The following PCARE variants were observed in gnomAD, a reference collection of about 807,000 sequenced individuals.
PCARE encodes uncharacterized protein C2orf71.
In PCARE, 72 loss-of-function variants were observed where a neutral mutation model predicts 82.2. The observed-to-expected ratio is 0.88, with a 90% CI of 0.72 to 1.07. The LOEUF (loss-of-function observed/expected upper bound fraction) is 1.07, where lower values mean the gene tolerates loss of function less well. PCARE is among the 50% of genes least tolerant of loss of function. PCARE has a pLI of 0.00. For synonymous variants in PCARE, 705 were observed against 634.8 expected (o/e 1.11, Z -1.66); for missense variants, 1,768 against 1,592.4 (o/e 1.11, Z -1.88).
In PCARE at chr2:29,073,176, C is replaced by T. The variant is rs776931192; in HGVS notation, c.1086G>A (p.Val362=). ...AGCTGGTTTGCTTGCCCAGCTTGTC[C>T]ACCGACTGCACGGACTCATTGTCAG... ...IGADNESVQS[V]DKLGKQTSWD... The change falls in exon 1 of 2, where the codon GTG becomes GTA. Residue 362 remains valine, a synonymous_variant. Coordinates refer to ENST00000331664, the MANE Select transcript of PCARE (RefSeq NM_001029883.3). The T allele has an allele frequency of 6.2e-7, 1 of 1,614,158 alleles. No homozygotes were observed. Among genetic ancestry groups the T allele is most frequent in the Admixed American group, 1.7e-5 (1 of 60,022 alleles).
At chr2:29,067,608 G>A (rs912073698) in intron 1 of PCARE, among the ~76,000 whole-genome samples, 3 of 152,260 alleles carry the variant, frequency 2.0e-5, no homozygotes, top group East Asian at 3.9e-4. Flanking sequence ...GCAATGGCAC[G>A]ATCTTGGCTC....
intron 1 of PCARE, among the ~76,000 whole-genome samples, chr2:29,068,534 A>ATT: frequency 6.7e-6 from 1 of 149,680 alleles, no homozygotes; most frequent in Non-Finnish European, 1.5e-5. Context: ...GACCTCAGAC[A>ATT]TTTTTTTTTT....
chr2:29,065,332 C>G (rs1001959497), intron 1 of PCARE, among the ~76,000 whole-genome samples: 4 of 152,228 alleles, frequency 2.6e-5, no homozygotes, highest in Admixed American at 2.6e-4. Context: ...GATCCTGCTG[C>G]TCTGAACAAA....
chr2:29,071,177 G>A lies in PCARE; in HGVS notation c.3085C>T (p.Pro1029Ser), dbSNP rs1667471800. 6.3e-7 allele frequency: 1 copy of A among 1,584,166 alleles called. No homozygotes were observed. The change falls in exon 1 of 2, where the codon CCC becomes TCC. Residue 1029 changes from proline (P) to serine (S), a missense_variant. Transcript: ENST00000331664. ...AQPSPSAVQT[P>S]PSPPVSPRVL... The stretch of plus-strand genomic sequence containing the variant: ...CTGGGGCTCACAGGTGGGCTGGGGG[G>A]CGTCTGCACAGCAGAGGGGCTTGGC...
In PCARE at chr2:29,071,265, T is replaced by C. The variant is rs530507308; in HGVS notation, c.2997A>G (p.Thr999=). 10 of 1,613,378 alleles carry C rather than the reference T, an allele frequency of 6.2e-6. No individual in the cohort carries two copies. Among genetic ancestry groups the C allele is most frequent in the African/African-American group, 4.0e-5 (3 of 74,900 alleles). Residue 999 remains threonine, a synonymous_variant, in exon 1 of 2, where the codon ACA becomes ACG. Coordinates refer to ENST00000331664, the MANE Select transcript of PCARE (RefSeq NM_001029883.3). ...PVGRKASPTR[T]HWVPQADKRR... is the part of the protein sequence containing the mutation. ...TCTTGTCTGCTTGAGGCACCCAGTG[T>C]GTCCTCGTGGGAGAGGCCTTTCTGC...
At position 29,064,974 on chromosome 2, in the gene PCARE, T is replaced by C; in HGVS notation, c.3762A>G (p.Pro1254=). ...GCCCGTGGCCCAGCACACAGAACTC[T>C]GGGGGAGATGCACGCCTGGTGCCGC... ...LQGGTRRASP[P]EFCVLGHGLQ... The change falls in exon 2 of 2, where the codon CCA becomes CCG. Residue 1254 remains proline (P), a synonymous_variant. Transcript: ENST00000331664. The C allele has an allele frequency of 6.3e-7, 1 of 1,595,250 alleles. No homozygotes were observed. Among genetic ancestry groups the C allele is most frequent in the Non-Finnish European group, 8.5e-7 (1 of 1,170,906 alleles).
rs1190793428 is a variant in PCARE at position 29,062,229 on chromosome 2, G to C, written c.*2640C>G. 6.6e-6 allele frequency: 1 copy of C among 152,296 alleles called. No homozygotes were observed. The highest frequency in any genetic ancestry group is 1.5e-5 in the Non-Finnish European group (1 of 68,118). 9.4% of individuals were successfully genotyped at this position (152,296 alleles called of 1,614,324 possible). On this transcript the variant is annotated 3_prime_UTR_variant, in exon 2 of 2. Coordinates refer to ENST00000331664, the MANE Select transcript of PCARE (RefSeq NM_001029883.3). ...ACTGGGCAACACAATGGTGTCACCAGCTCACTGTCCCGGCTGCCTGGGTCT... is the reference window on the plus strand; with the variant it reads ...ACTGGGCAACACAATGGTGTCACCACCTCACTGTCCCGGCTGCCTGGGTCT...
chr2:29,072,244 T>A lies in PCARE; in HGVS notation c.2018A>T (p.Asn673Ile), dbSNP rs777917394. 6.2e-7 allele frequency: 1 copy of A among 1,614,200 alleles called. No homozygotes were observed. Residue 673 changes from asparagine to isoleucine, a missense_variant, in exon 1 of 2, where the codon AAC becomes ATC. Asn to Ile is a moderately radical substitution (Grantham distance 149). Transcript: ENST00000331664. ...TSRLKASLTK[N>I]FSILPSQDKS... is the part of the protein sequence containing the mutation. ...GTCCTGACTAGGCAAAATACTGAAG[T>A]TCTTGGTGAGGGATGCCTTGAGCCT...
intron 1 of PCARE, 143 bp downstream of exon 1, chr2:29,070,450 GC>G: frequency 2.9e-6 from 3 of 1,017,886 alleles, no homozygotes; most frequent in Non-Finnish European, 4.5e-6. Context: ...AGCTGGAACT[GC>G]CCCCTACACC....
At position 29,064,839 on chromosome 2, in the gene PCARE, C is replaced by T; in HGVS notation, c.*30G>A. The T allele has an allele frequency of 6.2e-7, 1 of 1,608,096 alleles. No homozygotes were observed. The highest frequency in any genetic ancestry group is 8.5e-7 in the Non-Finnish European group (1 of 1,179,858). ...TGTCACACTTGGCCTTCTGGGGTGACTGCGTGAGTGTGGCCCCCTCGTCAG... is the reference window on the plus strand; with the variant it reads ...TGTCACACTTGGCCTTCTGGGGTGATTGCGTGAGTGTGGCCCCCTCGTCAG... On this transcript the variant is annotated 3_prime_UTR_variant, in exon 2 of 2. Coordinates refer to ENST00000331664, the MANE Select transcript of PCARE (RefSeq NM_001029883.3).
At position 29,062,062 on chromosome 2, in the gene PCARE, CT is replaced by C. The variant is rs1394067979; in HGVS notation, c.*2806del. ...GTTGGTATGGTAGCCAAAAACACAT[CT>C]TTGACCCGCCTGCTCCTATGTCGGC... On this transcript the variant is annotated 3_prime_UTR_variant, in exon 2 of 2. Coordinates refer to ENST00000331664, the MANE Select transcript of PCARE (RefSeq NM_001029883.3). 6 of 152,246 alleles carry C rather than the reference CT, an allele frequency of 3.9e-5. No individual in the cohort carries two copies. The highest frequency in any genetic ancestry group is 1.4e-4 in the African/African-American group (6 of 41,456). 9.4% of individuals were successfully genotyped at this position (152,246 alleles called of 1,614,324 possible). A position where few individuals can be genotyped will look rare whatever the true frequency, so the allele number is the denominator to read the frequency against.
rs1247640155 is a variant in PCARE at position 29,074,340 on chromosome 2, C to A, written c.-79G>T. 2.1e-6 allele frequency: 3 copies of A among 1,447,244 alleles called. No individual in the cohort carries two copies. Among genetic ancestry groups the A allele is most frequent in the African/African-American group, 2.8e-5 (2 of 70,424 alleles). The allele number at this position is 1,447,244 out of a possible 1,614,324, so 89.7% of individuals were successfully genotyped here. A position where few individuals can be genotyped will look rare whatever the true frequency, so the allele number is the denominator to read the frequency against. On this transcript the variant is annotated 5_prime_UTR_variant, in exon 1 of 2. Coordinates refer to ENST00000331664, the MANE Select transcript of PCARE (RefSeq NM_001029883.3). ...ATTTGAAATAGGAACAAAAGGCAAT[C>A]TTACTAGTCCATCCAGGCAATTTTC... is the stretch of plus-strand genomic sequence containing the variant.
Position 29,063,149 on chromosome 2 carries a change from T to A in PCARE, c.*1720A>T, listed in dbSNP as rs968254371. On this transcript the variant is annotated 3_prime_UTR_variant, in exon 2 of 2. Transcript: ENST00000331664. ...GGGCAAGTTTGCTGAACCTGGTCCA[T>A]CCTCACGTGCTTACCTTGGCCCCTG... 5 of 152,438 alleles carry A rather than the reference T, an allele frequency of 3.3e-5. No homozygotes were observed. The highest frequency in any genetic ancestry group is 9.6e-5 in the African/African-American group (4 of 41,456). 9.4% of individuals were successfully genotyped at this position (152,438 alleles called of 1,614,324 possible).
In PCARE at chr2:29,071,507, T is replaced by G; in HGVS notation, c.2755A>C (p.Lys919Gln). 1 of 1,609,540 alleles carries G rather than the reference T, an allele frequency of 6.2e-7. No individual in the cohort carries two copies. The highest frequency in any genetic ancestry group is 8.5e-7 in the Non-Finnish European group (1 of 1,179,886). The change falls in exon 1 of 2, where the codon AAG (lysine) becomes CAG (glutamine). Residue 919 changes from lysine (K) to glutamine (Q), a missense_variant. By Grantham distance (53) the Lys-to-Gln change is moderately conservative. Transcript: ENST00000331664. ...GSGRSSCQPR[K>Q]PALDLSSPPA... ...GGGCTGCTCAGGTCCAGGGCTGGCTTCCTGGGCTGGCAGCTGCTCCTGCCA... is the reference window on the plus strand; with the variant it reads ...GGGCTGCTCAGGTCCAGGGCTGGCTGCCTGGGCTGGCAGCTGCTCCTGCCA...
rs192103326 is a variant in PCARE, at chr2:29,071,150, C to T, written c.3112G>A (p.Val1038Met). The stretch of plus-strand genomic sequence containing the variant: ...CGCTTTGTGGTGGGTGGGCTTAGCA[C>T]CCTGGGGCTCACAGGTGGGCTGGGG... ...TPPSPPVSPR[V>M]LSPPTTKRRT... is the part of the protein sequence containing the mutation. The change falls in exon 1 of 2, where the codon GTG (valine) becomes ATG (methionine). Residue 1038 changes from valine to methionine, a missense_variant. By Grantham distance (21) the Val-to-Met change is conservative (BLOSUM62 1). Coordinates refer to ENST00000331664, the MANE Select transcript of PCARE (RefSeq NM_001029883.3). 30 of 1,581,090 alleles carry T rather than the reference C, an allele frequency of 1.9e-5. No individual in the cohort carries two copies. Among genetic ancestry groups the T allele is most frequent in the African/African-American group, 1.9e-4 (14 of 74,202 alleles).
rs967931656 is a variant in PCARE, at chr2:29,074,039, A to G, written c.223T>C (p.Cys75Arg). The G allele has an allele frequency of 1.2e-6, 2 of 1,614,202 alleles. No individual in the cohort carries two copies. Among genetic ancestry groups the G allele is most frequent in the South Asian group, 1.1e-5 (1 of 91,082 alleles). ...RRNQTTAKGL[C>R]QLMGDPASGK... ...GAAGCAGGATCTCCCATGAGCTGAC[A>G]AAGACCTTTAGCTGTGGTTTGGTTC... The change falls in exon 1 of 2, where the codon TGT (cysteine) becomes CGT (arginine). Residue 75 changes from cysteine (C) to arginine (R), a missense_variant. Transcript: ENST00000331664.
In PCARE at chr2:29,072,389, C is replaced by T. The variant is rs1329370221; in HGVS notation, c.1873G>A (p.Ala625Thr). 12 of 1,614,074 alleles carry T rather than the reference C, an allele frequency of 7.4e-6. No homozygotes were observed. The highest frequency in any genetic ancestry group is 1.0e-5 in the Non-Finnish European group (12 of 1,180,044). Reference protein sequence around the residue: ...VQRDLSQKLEAFYALGAKGQG... With the variant: ...VQRDLSQKLETFYALGAKGQG... ...CCTTTGGCACCCAGGGCATAAAATG[C>T]CTCCAGCTTCTGACTGAGGTCCCTC... is the stretch of plus-strand genomic sequence containing the variant. Residue 625 changes from alanine (A) to threonine (T), a missense_variant, in exon 1 of 2, where the codon GCA becomes ACA. Physicochemically the swap from Ala to Thr is moderately conservative, Grantham distance 58 (BLOSUM62 0). Coordinates refer to ENST00000331664, the MANE Select transcript of PCARE (RefSeq NM_001029883.3).
At chr2:29,069,697 A>T (rs1247409390) in intron 1 of PCARE, among the ~76,000 whole-genome samples, 2 of 152,254 alleles carry the variant, frequency 1.3e-5, no homozygotes, top group Non-Finnish European at 2.9e-5. Flanking sequence ...AAGCTTTAAA[A>T]AAAGTGGACA....
rs1018533437 is a variant in PCARE, at chr2:29,072,211, A to G, written c.2051T>C (p.Ile684Thr). 8.1e-6 allele frequency: 13 copies of G among 1,614,074 alleles called. No individual in the cohort carries two copies. The highest frequency in any genetic ancestry group is 2.2e-5 in the East Asian group (1 of 44,894). The change falls in exon 1 of 2, where the codon ATC becomes ACC. Residue 684 changes from isoleucine to threonine, a missense_variant. Coordinates refer to ENST00000331664, the MANE Select transcript of PCARE (RefSeq NM_001029883.3). The part of the protein sequence containing the change: ...FSILPSQDKS[I>T]LQKCNPHPED... ...AGGATGGGGATTGCATTTCTGCAAG[A>G]TGCTCTTGTCCTGACTAGGCAAAAT...
Sources: allele counts gnomAD v4.1 joint callset (sites outside exome capture counted in the v4.1 genomes callset), GRCh38; gene constraint gnomAD v4.1.1; transcripts MANE v1.5; gene names NCBI Gene and HGNC (gene_info 2026-07-23, HGNC 2026-07-21).